The following CDK14 variants were observed in gnomAD, a reference collection of about 807,000 sequenced individuals.
CDK14 encodes the protein cyclin-dependent kinase 14.
Under a neutral mutation model 60.7 loss-of-function variants are expected in CDK14, and 34 were observed. The observed-to-expected ratio is 0.56, with a 90% confidence interval of 0.43 to 0.75. The LOEUF (loss-of-function observed/expected upper bound fraction) is 0.75. CDK14 is among the 30% of genes least tolerant of loss of function. The probability of loss-of-function intolerance (pLI) is 0.00; values close to 1 mark genes in which losing one functional copy is unlikely to be tolerated. For synonymous variants in CDK14, 197 were observed against 203.7 expected (o/e 0.97, Z 0.28); for missense variants, 482 against 564.1 (o/e 0.85, Z 1.47).
intron 2 of CDK14, among the ~76,000 whole-genome samples, chr7:90,662,982 G>A (rs543567780): frequency 6.6e-6 from 1 of 152,212 alleles, no homozygotes; most frequent in East Asian, 1.9e-4. Context: ...GAAGGCTAGG[G>A]GAAATGGATG....
chr7:90,889,393 T>C (rs564168069), intron 6 of CDK14, among the ~76,000 whole-genome samples: 1 of 152,232 alleles, frequency 6.6e-6, no homozygotes, highest in Non-Finnish European at 1.5e-5. Context: ...CTGGTTTACA[T>C]GATGGGAATG....
chr7:90,768,215 A>T (rs1295015876), intron 4 of CDK14, among the ~76,000 whole-genome samples: 1 of 152,202 alleles, frequency 6.6e-6, no homozygotes, highest in Non-Finnish European at 1.5e-5. Context: ...GGTTTTGTAG[A>T]GGATGTTTAT....
At chr7:90,686,332 T>G (rs1376614800) in intron 2 of CDK14, among the ~76,000 whole-genome samples, 1 of 152,178 alleles carries the variant, frequency 6.6e-6, no homozygotes, top group Non-Finnish European at 1.5e-5. Flanking sequence ...TAGGGAAGAT[T>G]TTACAGTGCC....
chr7:90,938,528 T>C (rs1793821385), intron 8 of CDK14, among the ~76,000 whole-genome samples: 1 of 152,210 alleles, frequency 6.6e-6, no homozygotes, highest in African/African-American at 2.4e-5. Context: ...TTACTTCACA[T>C]ATTGCCAACA....
intron 11 of CDK14, among the ~76,000 whole-genome samples, chr7:91,058,244 G>C (rs1017285710): frequency 3.3e-5 from 5 of 152,016 alleles, no homozygotes; most frequent in African/African-American, 9.7e-5. Context: ...TCTGATTTTT[G>C]CACATTGATT....
intron 12 of CDK14, among the ~76,000 whole-genome samples, chr7:91,091,738 GAAGGAAGGAAGGAAGGAAGGAAGGAAGT>G (rs1481916265): frequency 2.2e-5 from 2 of 90,208 alleles, no homozygotes; most frequent in African/African-American, 7.8e-5. Flanking sequence ...AGGAAGGAAG[GAAGGAAGGAAGGAAGGAAGGAAGGAAGT>G]AAGTTATTTT....
In CDK14 at chr7:91,062,585, G is replaced by A. The variant is rs774586697; in HGVS notation, c.1105+16625G>A. 7.9e-5 allele frequency among the ~76,000 whole-genome samples: 12 copies of A among 151,994 alleles called. No homozygotes were observed. In the South Asian group the frequency reaches 8.3e-4, roughly 11 times the overall value. Reference sequence around the variant, plus strand: ...AAATTCTTAGAAACACAGAATAATGGCAAAAATTTTAAGTGTCACATAGCT... The same window carrying A: ...AAATTCTTAGAAACACAGAATAATGACAAAAATTTTAAGTGTCACATAGCT... On this transcript the variant is annotated intron_variant, in intron 11 of 14. Transcript: ENST00000380050.
chr7:91,197,960 T>C (rs1272347173), intron 14 of CDK14, among the ~76,000 whole-genome samples: 1 of 152,232 alleles, frequency 6.6e-6, no homozygotes, highest in East Asian at 1.9e-4. Flanking sequence ...CAGTTGTTCG[T>C]TGGCACTGTT....
At chr7:90,737,180 C>A (rs1326039686) in intron 3 of CDK14, among the ~76,000 whole-genome samples, 1 of 152,204 alleles carries the variant, frequency 6.6e-6, no homozygotes, top group Non-Finnish European at 1.5e-5. Flanking sequence ...TCAGTAGCTG[C>A]AGTTCTTGGG....
intron 2 of CDK14, among the ~76,000 whole-genome samples, chr7:90,622,672 A>G (rs1246989769): frequency 6.6e-6 from 1 of 152,204 alleles, no homozygotes; most frequent in East Asian, 1.9e-4. Flanking sequence ...GTGAAGCAAT[A>G]TCTACTAACC....
At chr7:90,753,611 A>C (rs570683375) in intron 4 of CDK14, among the ~76,000 whole-genome samples, 1 of 152,184 alleles carries the variant, frequency 6.6e-6, no homozygotes, top group Non-Finnish European at 1.5e-5. Flanking sequence ...GCTCCTATTA[A>C]AACATAGTAC....
At chr7:90,886,885 C>T (rs781686624) in intron 6 of CDK14, among the ~76,000 whole-genome samples, 2 of 152,052 alleles carry the variant, frequency 1.3e-5, no homozygotes, top group Non-Finnish European at 1.5e-5. Flanking sequence ...AGTACATTTT[C>T]TTTATCCATG....
intron 3 of CDK14, among the ~76,000 whole-genome samples, chr7:90,728,466 T>G (rs1802723104): frequency 6.6e-6 from 1 of 152,060 alleles, no homozygotes; most frequent in Non-Finnish European, 1.5e-5. Flanking sequence ...ATTGGATTTT[T>G]AATTATACTA....
intron 4 of CDK14, among the ~76,000 whole-genome samples, chr7:90,753,005 C>T (rs771685142): frequency 1.3e-5 from 2 of 151,960 alleles, no homozygotes; most frequent in Non-Finnish European, 2.9e-5. Flanking sequence ...TAATAAAAAC[C>T]TACCAATCAA....
At chr7:90,610,451 C>CT (rs1265634530) in intron 2 of CDK14, among the ~76,000 whole-genome samples, 2 of 152,202 alleles carry the variant, frequency 1.3e-5, no homozygotes, top group African/African-American at 4.8e-5. Flanking sequence ...CCTAAGCCTT[C>CT]TTGCGACCCT....
At chr7:91,085,754 T>TC (rs1798622205) in intron 12 of CDK14, among the ~76,000 whole-genome samples, 1 of 152,158 alleles carries the variant, frequency 6.6e-6, no homozygotes, top group African/African-American at 2.4e-5. Flanking sequence ...GCTTCTGACT[T>TC]CAAGTTGCCT....
chr7:90,950,924 A>T lies in CDK14; in HGVS notation c.827-4773A>T, dbSNP rs74879074. ...TTGTTTGTTGGTTGTTTATTGATAC[A>T]TTATAAAAGCAGCAATAGAGTATCT... is the stretch of plus-strand genomic sequence containing the variant. On this transcript the variant is annotated intron_variant, in intron 8 of 14. Coordinates refer to ENST00000380050, the MANE Select transcript of CDK14 (RefSeq NM_001287135.2). 9.9e-3 allele frequency among the ~76,000 whole-genome samples: 1,511 copies of T among 152,366 alleles called. 26 individuals are homozygous for T. Among genetic ancestry groups the T allele is most frequent in the African/African-American group, 0.033 (1,388 of 41,576 alleles).
Position 90,772,286 on chromosome 7 carries a change from C to T in CDK14, c.465-18287C>T, listed in dbSNP as rs192711430. ...TTCTGTTGCCTAGCTAGCAAGATTGCTTTCACCAATAAATCAAAATGCAGG... is the reference window on the plus strand; with the variant it reads ...TTCTGTTGCCTAGCTAGCAAGATTGTTTTCACCAATAAATCAAAATGCAGG... On this transcript the variant is annotated intron_variant, in intron 4 of 14. Coordinates refer to ENST00000380050, the MANE Select transcript of CDK14 (RefSeq NM_001287135.2). Among the ~76,000 whole-genome samples, 6 of 152,318 alleles carry T rather than the reference C, an allele frequency of 3.9e-5. No individual in the cohort carries two copies. In the East Asian group the frequency reaches 1.2e-3, roughly 29 times the overall value.
At chr7:90,992,568 A>C (rs1056024264) in intron 10 of CDK14, among the ~76,000 whole-genome samples, 2 of 152,208 alleles carry the variant, frequency 1.3e-5, no homozygotes, top group Non-Finnish European at 2.9e-5. Flanking sequence ...CTATTCTGAG[A>C]GATGCCATTT....
Sources: allele counts gnomAD v4.1 joint callset (sites outside exome capture counted in the v4.1 genomes callset), GRCh38; gene constraint gnomAD v4.1.1; transcripts MANE v1.5; gene names NCBI Gene and HGNC (gene_info 2026-07-23, HGNC 2026-07-21).